The following CSMD1 variants were observed in gnomAD, a reference collection of about 807,000 sequenced individuals.
CSMD1 encodes CUB and Sushi multiple domains 1.
CSMD1 carries 213 observed loss-of-function variants against 417.5 expected under a neutral mutation model. The ratio of observed to expected loss-of-function variants is 0.51; its 90% CI spans 0.46 to 0.57. CSMD1 has a LOEUF of 0.57. Ranked by LOEUF, CSMD1 falls within the 20% of genes least tolerant of loss-of-function variation. The probability of loss-of-function intolerance (pLI) is 0.00; values close to 1 mark genes in which losing one functional copy is unlikely to be tolerated. For missense variants in CSMD1, 6,923 were observed against 4,529.7 expected (o/e 1.53, Z -15.17); for synonymous variants, 2,862 against 1,736.8 (o/e 1.65, Z -16.11).
chr8:4,537,179 CTAT>C (rs1280267743), intron 2 of CSMD1, among the ~76,000 whole-genome samples: 1 of 152,090 alleles, frequency 6.6e-6, no homozygotes, highest in African/African-American at 2.4e-5. Flanking sequence ...CATGAGACTA[CTAT>C]TTATATATCA....
At chr8:4,007,543 C>G (rs901078381) in intron 4 of CSMD1, among the ~76,000 whole-genome samples, 1 of 152,202 alleles carries the variant, frequency 6.6e-6, no homozygotes, top group Non-Finnish European at 1.5e-5. Context: ...TTGCTTCCCA[C>G]CTCTCCATCC....
rs58487371 is a variant in CSMD1, at chr8:4,157,010, G to A, written c.416-124911C>T. ...TCCCAGATGATATTAAGTAGGGGTG[G>A]TGGCCAGGCATTGAGGGGCATGTTA... On this transcript the variant is annotated intron_variant, in intron 3 of 69. Coordinates refer to ENST00000635120, the MANE Select transcript of CSMD1 (RefSeq NM_033225.6). Among the ~76,000 whole-genome samples the A allele has an allele frequency of 4.7e-3, 720 of 152,240 alleles. 10 individuals carry two copies. Among genetic ancestry groups the A allele is most frequent in the African/African-American group, 0.016 (669 of 41,542 alleles).
chr8:3,630,965 G>C (rs1212770785), intron 7 of CSMD1, among the ~76,000 whole-genome samples: 1 of 152,170 alleles, frequency 6.6e-6, no homozygotes, highest in African/African-American at 2.4e-5. Context: ...AGACTGAAAA[G>C]CATGGGAATC....
chr8:3,078,192 C>A (rs139042979), intron 49 of CSMD1, among the ~76,000 whole-genome samples: 2,495 of 152,290 alleles, frequency 0.016, 34 homozygotes, highest in South Asian at 0.049. Flanking sequence ...ATATTTTGTA[C>A]AGTTCCTTGT....
chr8:4,602,503 A>C (rs1201259068), intron 2 of CSMD1, among the ~76,000 whole-genome samples: 2 of 152,238 alleles, frequency 1.3e-5, no homozygotes, highest in Non-Finnish European at 2.9e-5. Context: ...TCAGGTACGC[A>C]TACAATAAAA....
At chr8:3,368,479 G>C (rs1399085315) in intron 19 of CSMD1, among the ~76,000 whole-genome samples, 1 of 152,206 alleles carries the variant, frequency 6.6e-6, no homozygotes, top group East Asian at 1.9e-4. Context: ...TGCGATTACA[G>C]GCATGCACCA....
chr8:3,628,397 A>G (rs1796598564), intron 7 of CSMD1, among the ~76,000 whole-genome samples: 1 of 152,242 alleles, frequency 6.6e-6, no homozygotes, highest in African/African-American at 2.4e-5. Context: ...GCCCGTAGTC[A>G]TGGGGACTTG....
intron 3 of CSMD1, among the ~76,000 whole-genome samples, chr8:4,074,163 T>A (rs551820940): frequency 8.5e-5 from 13 of 152,214 alleles, no homozygotes; most frequent in African/African-American, 2.6e-4. Context: ...ATATAATGCA[T>A]AACTTGTATG....
rs1803452604 is a variant in CSMD1, at chr8:2,961,229, T to G, written c.9629-15A>C. 2 of 1,565,300 alleles carry G rather than the reference T, an allele frequency of 1.3e-6. No individual in the cohort carries two copies. The highest frequency in any genetic ancestry group is 1.7e-6 in the Non-Finnish European group (2 of 1,145,382). On this transcript the variant is annotated splice_polypyrimidine_tract_variant and intron_variant, in intron 61 of 69. Transcript: ENST00000635120. Reference sequence around the variant, plus strand: ...ATGAGCAGGATCTGAAATTTGTGATTTAAAAAGAAAAGAGGGCACCAGATA... The same window carrying G: ...ATGAGCAGGATCTGAAATTTGTGATGTAAAAAGAAAAGAGGGCACCAGATA...
At chr8:4,244,105 C>A (rs1267306455) in intron 3 of CSMD1, among the ~76,000 whole-genome samples, 1 of 152,152 alleles carries the variant, frequency 6.6e-6, no homozygotes, top group Non-Finnish European at 1.5e-5. Context: ...AAGATGACTA[C>A]TGGGTGCTGT....
intron 2 of CSMD1, among the ~76,000 whole-genome samples, chr8:4,585,022 T>C (rs1799628397): frequency 6.6e-6 from 1 of 151,816 alleles, no homozygotes; most frequent in African/African-American, 2.4e-5. Flanking sequence ...TTGTACAATT[T>C]TTCATACAAA....
chr8:3,970,745 G>C (rs1038209682), intron 5 of CSMD1, among the ~76,000 whole-genome samples: 3 of 151,922 alleles, frequency 2.0e-5, no homozygotes, highest in Non-Finnish European at 4.4e-5. Flanking sequence ...ATGGCATCTT[G>C]TTTTTTGTTT....
intron 3 of CSMD1, among the ~76,000 whole-genome samples, chr8:4,204,326 TTAAAAATGTCC>T (rs1465973848): frequency 5.9e-5 from 9 of 152,164 alleles, no homozygotes; most frequent in Admixed American, 5.9e-4. Context: ...GAATAGTTTT[TTAAAAATGTCC>T]TATTTCCACT....
At chr8:4,069,977 T>C (rs901069243) in intron 3 of CSMD1, among the ~76,000 whole-genome samples, 2 of 152,196 alleles carry the variant, frequency 1.3e-5, no homozygotes, top group Non-Finnish European at 2.9e-5. Context: ...TGTTTTTCTG[T>C]TCTTTCCTGC....
At chr8:3,796,289 G>GATATCTATCATGTATAC (rs1800118205) in intron 5 of CSMD1, among the ~76,000 whole-genome samples, 1 of 46,040 alleles carries the variant, frequency 2.2e-5, no homozygotes, top group African/African-American at 6.8e-5. Flanking sequence ...ATCATGTATA[G>GATATCTATCATGTATAC]ATATATCTAT....
chr8:4,770,138 C>A (rs752299406), intron 1 of CSMD1, among the ~76,000 whole-genome samples: 1 of 151,048 alleles, frequency 6.6e-6, no homozygotes, highest in Non-Finnish European at 1.5e-5. Context: ...CCCATAGTAC[C>A]AGAAGCAACA....
chr8:2,985,051 G>T (rs1805763062), intron 54 of CSMD1, among the ~76,000 whole-genome samples: 1 of 152,100 alleles, frequency 6.6e-6, no homozygotes, highest in Non-Finnish European at 1.5e-5. Context: ...AATTTTGGCA[G>T]AAAAACCATT....
At chr8:4,035,721 G>A (rs371901370) in intron 3 of CSMD1, among the ~76,000 whole-genome samples, 1 of 152,166 alleles carries the variant, frequency 6.6e-6, no homozygotes, top group African/African-American at 2.4e-5. Context: ...TATTATTACG[G>A]AAGAGTCAAA....
At chr8:3,708,582 T>A in intron 6 of CSMD1, 91 bp from the exon 7 acceptor site, 1 of 1,073,624 alleles carries the variant, frequency 9.3e-7, no homozygotes, top group East Asian at 2.4e-5. Context: ...TCATAACTGC[T>A]TTCTATCAAC....
Sources: allele counts gnomAD v4.1 joint callset (sites outside exome capture counted in the v4.1 genomes callset), GRCh38; gene constraint gnomAD v4.1.1; transcripts MANE v1.5; gene names NCBI Gene and HGNC (gene_info 2026-07-23, HGNC 2026-07-21).